TRIM8: variants seen among roughly 807,000 people sequenced by gnomAD.
The protein encoded by TRIM8 is tripartite motif containing 8, also known as E3 ubiquitin-protein ligase TRIM8.
TRIM8 carries 9 observed loss-of-function variants against 55.7 expected under a neutral mutation model. The observed-to-expected ratio is 0.16, with a 90% CI of 0.10 to 0.28. TRIM8 has a LOEUF of 0.28. TRIM8 is among the 10% of genes least tolerant of loss of function. TRIM8 has a pLI of 1.00. For synonymous variants in TRIM8, 335 were observed against 333.3 expected (o/e 1.01, Z -0.06); for missense variants, 556 against 736.4 (o/e 0.76, Z 2.83).
chr10:102,653,102 T>A (rs997635936), intron 1 of TRIM8, among the ~76,000 whole-genome samples: 1 of 152,162 alleles, frequency 6.6e-6, no homozygotes, highest in Non-Finnish European at 1.5e-5. Context: ...CCTGACCTTA[T>A]TTTTTATTTT....
At chr10:102,651,725 A>T (rs1336781486) in intron 1 of TRIM8, among the ~76,000 whole-genome samples, 1 of 152,200 alleles carries the variant, frequency 6.6e-6, no homozygotes, top group Non-Finnish European at 1.5e-5. Context: ...GGCTTGGGGC[A>T]ACCAGCAGGC....
chr10:102,656,024 G>A lies in TRIM8; in HGVS notation c.901-82G>A. The A allele has an allele frequency of 6.2e-7, 1 of 1,605,032 alleles. No homozygotes were observed. Among genetic ancestry groups the A allele is most frequent in the South Asian group, 1.1e-5 (1 of 90,718 alleles). On this transcript the variant is annotated intron_variant, in intron 3 of 5. Coordinates refer to ENST00000643721, the MANE Select transcript of TRIM8 (RefSeq NM_030912.3). The surrounding 1 kb of genome is among the most constrained non-coding windows in gnomAD (Gnocchi z 4.6). ...ACCCAGCCTGGGGGAGGCTCAGGGG[G>A]GGCAGCTTTTGTCTTCCCCTCTCCC... is the stretch of plus-strand genomic sequence containing the variant.
At chr10:102,646,520 G>A (rs1468457721) in intron 1 of TRIM8, among the ~76,000 whole-genome samples, 1 of 152,200 alleles carries the variant, frequency 6.6e-6, no homozygotes, top group African/African-American at 2.4e-5. Flanking sequence ...ACCAACAAAA[G>A]GCAGGAGGGC....
rs898889427 is a variant in TRIM8 at position 102,644,863 on chromosome 10, C to G, written c.246C>G (p.His82Gln). 1.1e-5 allele frequency: 17 copies of G among 1,612,016 alleles called. No homozygotes were observed. The highest frequency in any genetic ancestry group is 3.3e-4 in the Middle Eastern group (2 of 6,084). Residue 82 changes from histidine (H) to glutamine (Q), a missense_variant, in exon 1 of 6, where the codon CAC (histidine) becomes CAG (glutamine). His to Gln is a conservative substitution (Grantham distance 24). This residue lies in a region of TRIM8 where 165 missense variants were observed against 295.3 expected (regional missense o/e 0.56). Transcript: ENST00000643721. ...TNIVEKFNAL[H>Q]VEKPPAALHC... The stretch of plus-strand genomic sequence containing the variant: ...TCGTGGAGAAGTTCAATGCCCTGCA[C>G]GTGGAGAAGCCGCCGGCGGCGCTGC...
intron 2 of TRIM8, 110 bp from the exon 3 acceptor site, chr10:102,654,970 G>A: frequency 7.7e-7 from 1 of 1,305,524 alleles, no homozygotes; most frequent in Admixed American, 2.2e-5. Context: ...TTGGGAGCCT[G>A]GGGCAGCCTG....
Position 102,656,012 on chromosome 10 carries a change from G to A in TRIM8, c.901-94G>A. 1 of 1,582,212 alleles carries A rather than the reference G, an allele frequency of 6.3e-7. No individual in the cohort carries two copies. The highest frequency in any genetic ancestry group is 8.7e-7 in the Non-Finnish European group (1 of 1,151,520). On this transcript the variant is annotated intron_variant, in intron 3 of 5. Transcript: ENST00000643721. The surrounding 1 kb of genome is among the most constrained non-coding windows in gnomAD (Gnocchi z 4.6). ...ATGAGAGGATCCACCCAGCCTGGGG[G>A]AGGCTCAGGGGGGGCAGCTTTTGTC...
chr10:102,646,983 A>G (rs569031894), intron 1 of TRIM8, among the ~76,000 whole-genome samples: 20 of 152,298 alleles, frequency 1.3e-4, no homozygotes, highest in African/African-American at 4.6e-4. Flanking sequence ...ACGTCATTAT[A>G]CCTGACTTGG....
intron 1 of TRIM8, among the ~76,000 whole-genome samples, chr10:102,651,763 G>A (rs1389958322): frequency 6.6e-6 from 1 of 152,224 alleles, no homozygotes; most frequent in Non-Finnish European, 1.5e-5. Flanking sequence ...TTGTTCCAGG[G>A]GAGGTCAGTG....
Position 102,657,350 on chromosome 10 carries a change from G to GCTAACGCCA in TRIM8, c.1654_*6dup. On this transcript the variant is annotated stop_gained and inframe_insertion, in exon 6 of 6. Transcript: ENST00000643721. LOFTEE classifies it high-confidence loss of function. ...CCGTCCACCAAACACTACGTGACGAGCTAACGCCACGCAGGCGGCGGGGCG... is the reference window on the plus strand; with the variant it reads ...CCGTCCACCAAACACTACGTGACGAGCTAACGCCACTAACGCCACGCAGGCGGCGGGGCG... 6.4e-7 allele frequency: 1 copy of GCTAACGCCA among 1,563,658 alleles called. No individual in the cohort carries two copies. The highest frequency in any genetic ancestry group is 8.7e-7 in the Non-Finnish European group (1 of 1,151,054).
At chr10:102,652,866 C>T (rs988776640) in intron 1 of TRIM8, among the ~76,000 whole-genome samples, 2 of 151,116 alleles carry the variant, frequency 1.3e-5, no homozygotes, top group South Asian at 2.1e-4. Context: ...TGCAATGGCG[C>T]GATCTTGGCT....
intron 1 of TRIM8, among the ~76,000 whole-genome samples, chr10:102,653,220 A>G (rs1564721010): frequency 6.6e-6 from 1 of 152,206 alleles, no homozygotes; most frequent in Non-Finnish European, 1.5e-5. Context: ...TAGCCAGGAC[A>G]GGGAGGGACC....
Position 102,644,489 on chromosome 10 carries a change from C to G in TRIM8, c.-129C>G, listed in dbSNP as rs565929932. ...GGGGGCGGGCACGCGGAAGGCGCTG[C>G]TGACTGAGCGACCGTCGGGGCCGGC... On this transcript the variant is annotated 5_prime_UTR_variant, in exon 1 of 6. Transcript: ENST00000643721. 7.1e-6 allele frequency: 6 copies of G among 842,530 alleles called. No homozygotes were observed. The South Asian group carries it at 9.7e-5, about 14-fold the overall frequency. 52.2% of individuals were successfully genotyped at this position (842,530 alleles called of 1,614,324 possible). A position where few individuals can be genotyped will look rare whatever the true frequency, so the allele number is the denominator to read the frequency against.
Position 102,656,650 on chromosome 10 carries a change from C to T in TRIM8, c.1049-97C>T, listed in dbSNP as rs2064027452. The T allele has an allele frequency of 2.0e-6, 3 of 1,495,184 alleles. No individual in the cohort carries two copies. The East Asian group carries it at 6.9e-5, about 34-fold the overall frequency. 92.6% of individuals were successfully genotyped at this position (1,495,184 alleles called of 1,614,324 possible). On this transcript the variant is annotated intron_variant, in intron 5 of 5. Coordinates refer to ENST00000643721, the MANE Select transcript of TRIM8 (RefSeq NM_030912.3). The surrounding 1 kb of genome is among the most constrained non-coding windows in gnomAD (Gnocchi z 4.6). The stretch of plus-strand genomic sequence containing the variant: ...CACCTGAGATGTAACATTCTTGGGC[C>T]TCTAGGTGTCAATGGTCCCCAGGTC...
Position 102,644,941 on chromosome 10 carries a change from G to T in TRIM8, c.324G>T (p.Leu108=). Reference sequence around the variant, plus strand: ...CGCTGCCCGCGCAGAAGGTCTGCCTGCGCTGCGAGGCGCCCTGCTGCCAGT... The same window carrying T: ...CGCTGCCCGCGCAGAAGGTCTGCCTTCGCTGCGAGGCGCCCTGCTGCCAGT... The part of the protein sequence containing the change: ...GPPLPAQKVC[L]RCEAPCCQSH... The change falls in exon 1 of 6, where the codon CTG becomes CTT. Residue 108 remains leucine (L), a synonymous_variant. Coordinates refer to ENST00000643721, the MANE Select transcript of TRIM8 (RefSeq NM_030912.3). 6.3e-7 allele frequency: 1 copy of T among 1,597,944 alleles called. No individual in the cohort carries two copies. The highest frequency in any genetic ancestry group is 8.5e-7 in the Non-Finnish European group (1 of 1,172,840).
chr10:102,650,354 C>T (rs929286170), intron 1 of TRIM8, among the ~76,000 whole-genome samples: 4 of 152,232 alleles, frequency 2.6e-5, no homozygotes, highest in South Asian at 2.1e-4. Context: ...GAGGAAGCAG[C>T]GGCAAAGCTG....
rs1381195513 is a variant in TRIM8, at chr10:102,655,074, T to C, written c.667-6T>C. The C allele has an allele frequency of 6.2e-7, 1 of 1,612,842 alleles. No homozygotes were observed. The highest frequency in any genetic ancestry group is 8.5e-7 in the Non-Finnish European group (1 of 1,179,546). ...GCCTGCCCACTCCTGCCCTCTGTAC[T>C]CGCAGGAGAAAGTGAACCAACTGAA... is the stretch of plus-strand genomic sequence containing the variant. On this transcript the variant is annotated splice_polypyrimidine_tract_variant and splice_region_variant and intron_variant, in intron 2 of 5. Transcript: ENST00000643721.
At chr10:102,647,216 C>T (rs1052659657) in intron 1 of TRIM8, among the ~76,000 whole-genome samples, 2 of 152,096 alleles carry the variant, frequency 1.3e-5, no homozygotes, top group African/African-American at 2.4e-5. Context: ...TCGGCAACTC[C>T]GCAGGGTGTG....
chr10:102,644,711 C>G lies in TRIM8; in HGVS notation c.94C>G (p.His32Asp), dbSNP rs1386602393. Reference protein sequence around the residue: ...FVEPVQLPCKHNFCRGCIGEA... With the variant: ...FVEPVQLPCKDNFCRGCIGEA... ...GGAGCCAGTGCAGCTGCCGTGCAAACACAACTTCTGCCGGGGCTGCATCGG... is the reference window on the plus strand; with the variant it reads ...GGAGCCAGTGCAGCTGCCGTGCAAAGACAACTTCTGCCGGGGCTGCATCGG... Residue 32 changes from histidine (H) to aspartate (D), a missense_variant, in exon 1 of 6, where the codon CAC (histidine) becomes GAC (aspartate). His to Asp is a moderately conservative substitution (Grantham distance 81, BLOSUM62 -1). Transcript: ENST00000643721. The G allele has an allele frequency of 6.2e-7, 1 of 1,613,494 alleles. No homozygotes were observed. Among genetic ancestry groups the G allele is most frequent in the Non-Finnish European group, 8.5e-7 (1 of 1,179,938 alleles).
At chr10:102,647,949 C>G (rs992793518) in intron 1 of TRIM8, among the ~76,000 whole-genome samples, 1 of 152,208 alleles carries the variant, frequency 6.6e-6, no homozygotes, top group Non-Finnish European at 1.5e-5. Flanking sequence ...GGTCCTCCAT[C>G]CATCCTGGGG....
Sources: gnomAD v4.1 joint callset for allele counts (sites outside exome capture counted in the v4.1 genomes callset) on GRCh38, gnomAD v4.1.1 for gene constraint, gnomAD v4.1.1 regional missense constraint, Gnocchi (gnomAD v3.1) non-coding constraint, MANE v1.5 for transcripts, NCBI Gene and HGNC (gene_info 2026-07-23, HGNC 2026-07-21) for gene names.